The following ZNF483 variants were observed in gnomAD, a reference collection of about 807,000 sequenced individuals.
ZNF483 encodes zinc finger protein HIT-10.
Under a neutral mutation model 28.6 loss-of-function variants are expected in ZNF483, and 9 were observed. The ratio of observed to expected loss-of-function variants is 0.32; its 90% CI spans 0.19 to 0.55. The LOEUF (loss-of-function observed/expected upper bound fraction) is 0.55. Ranked by LOEUF, ZNF483 falls within the 20% of genes least tolerant of loss-of-function variation. ZNF483 has a pLI of 0.93. For missense variants in ZNF483, 675 were observed against 871.7 expected (o/e 0.77, Z 2.84); for synonymous variants, 322 against 306.2 (o/e 1.05, Z -0.54).
chr9:111,532,867 C>T (rs760734867), intron 3 of ZNF483, among the ~76,000 whole-genome samples: 2 of 151,516 alleles, frequency 1.3e-5, no homozygotes, highest in Non-Finnish European at 2.9e-5. Context: ...CGAGATCATG[C>T]CACTGCACTC....
chr9:111,567,362 AT>A (rs759157529), intron 5 of ZNF483, among the ~76,000 whole-genome samples: 1 of 152,024 alleles, frequency 6.6e-6, no homozygotes, highest in Non-Finnish European at 1.5e-5. Context: ...TAATTTTTGT[AT>A]TTTTAGTAGA....
rs76510670 is a variant in ZNF483, at chr9:111,537,109, G to A, written c.721+2756G>A. 4.5e-3 allele frequency among the ~76,000 whole-genome samples: 680 copies of A among 152,230 alleles called. 2 individuals carry two copies. The highest frequency in any genetic ancestry group is 0.015 in the African/African-American group (640 of 41,524). On this transcript the variant is annotated intron_variant, in intron 5 of 5. Coordinates refer to ENST00000309235, the MANE Select transcript of ZNF483 (RefSeq NM_133464.5). ...CCCATGATGTTATTCAAGATTTACA[G>A]TATTGCACTAAACACAGTGAAAAAT... is the stretch of plus-strand genomic sequence containing the variant.
rs988782331 is a variant in ZNF483, at chr9:111,554,443, C to G, written c.*11273C>G. Among the ~76,000 whole-genome samples, 5 of 152,202 alleles carry G rather than the reference C, an allele frequency of 3.3e-5. No homozygotes were observed. Among genetic ancestry groups the G allele is most frequent in the African/African-American group, 1.2e-4 (5 of 41,442 alleles). ...TTCTACCACAGTCTGTTCTTTCGGT[C>G]ACCAAACTCTTTCTTCCCACACTTA... On this transcript the variant is annotated 3_prime_UTR_variant, in exon 6 of 6. Coordinates refer to ENST00000309235, the MANE Select transcript of ZNF483 (RefSeq NM_133464.5).
rs75707025 is a variant in ZNF483, at chr9:111,554,807, G to A, written c.*11637G>A. On this transcript the variant is annotated 3_prime_UTR_variant, in exon 6 of 6. Transcript: ENST00000309235. ...CCACGGAAAGTGAAACTTTGAATAA[G>A]GGGAGACCACTGTATTTTACCCAAG... 0.028 allele frequency among the ~76,000 whole-genome samples: 4,257 copies of A among 152,242 alleles called. 117 individuals carry two copies. Among genetic ancestry groups the A allele is most frequent in the East Asian group, 0.15 (757 of 5,178 alleles).
chr9:111,568,403 G>A (rs143539373), intron 5 of ZNF483, among the ~76,000 whole-genome samples: 10,212 of 152,110 alleles, frequency 0.067, 575 homozygotes, highest in African/African-American at 0.14. Context: ...GAAAAACTCC[G>A]CCCTGGTAAA....
chr9:111,528,740 G>A lies in ZNF483; in HGVS notation c.412+933G>A, dbSNP rs138751586. ...CTCCATACACTTAATTCGCCATCAC[G>A]CAGCTAATTAGTGTATCTCAAATTT... On this transcript the variant is annotated intron_variant, in intron 2 of 5. Coordinates refer to ENST00000309235, the MANE Select transcript of ZNF483 (RefSeq NM_133464.5). 3.8e-3 allele frequency among the ~76,000 whole-genome samples: 576 copies of A among 152,228 alleles called. 6 individuals carry two copies. The highest frequency in any genetic ancestry group is 0.013 in the African/African-American group (547 of 41,536).
At chr9:111,576,290 A>G (rs1400527588) in intron 5 of ZNF483, 4 of 1,504,630 alleles carry the variant, frequency 2.7e-6, no homozygotes, top group African/African-American at 1.4e-5. Flanking sequence ...ATATTTGCAT[A>G]TTGTAAACTA....
intron 5 of ZNF483, among the ~76,000 whole-genome samples, chr9:111,561,112 G>T (rs367806792): frequency 0.078 from 2,256 of 28,860 alleles, 170 homozygotes; most frequent in African/African-American, 0.11. Flanking sequence ...TATATATATA[G>T]AGAGAGAGAG....
chr9:111,563,304 A>G (rs931240862), intron 5 of ZNF483: 2 of 1,395,364 alleles, frequency 1.4e-6, no homozygotes, highest in East Asian at 2.4e-5. Context: ...CATCCTAGCA[A>G]CAAATTTATC....
chr9:111,545,944 G>A lies in ZNF483; in HGVS notation c.*2774G>A, dbSNP rs148475111. 5.3e-4 allele frequency among the ~76,000 whole-genome samples: 80 copies of A among 152,162 alleles called. No homozygotes were observed. The highest frequency in any genetic ancestry group is 1.8e-3 in the African/African-American group (75 of 41,532). Reference sequence around the variant, plus strand: ...CCTGAGGGGAGTTGCTAGGTCATACGGTAAATTTTCATTTAACTTTTTTAG... The same window carrying A: ...CCTGAGGGGAGTTGCTAGGTCATACAGTAAATTTTCATTTAACTTTTTTAG... On this transcript the variant is annotated 3_prime_UTR_variant, in exon 6 of 6. Coordinates refer to ENST00000309235, the MANE Select transcript of ZNF483 (RefSeq NM_133464.5).
downstream of ZNF483, chr9:111,577,925 T>C (rs1351478926): frequency 6.6e-6 from 1 of 152,074 alleles, no homozygotes; most frequent in African/African-American, 2.4e-5. Context: ...AAGTGAAAGA[T>C]GCCAGTCATA....
chr9:111,574,561 A>G (rs1828972202), intron 5 of ZNF483, among the ~76,000 whole-genome samples: 1 of 151,236 alleles, frequency 6.6e-6, no homozygotes, highest in Non-Finnish European at 1.5e-5. Context: ...GTTGCCCAGG[A>G]TGGTCTCAAA....
At chr9:111,562,743 C>T (rs913381102) in intron 5 of ZNF483, 2 of 186,940 alleles carry the variant, frequency 1.1e-5, no homozygotes, top group African/African-American at 2.3e-5. Flanking sequence ...CTGATGCTCT[C>T]CCTCCCTCAC....
intron 5 of ZNF483, chr9:111,539,577 A>C: frequency 2.5e-6 from 1 of 396,084 alleles, no homozygotes; most frequent in Non-Finnish European, 5.0e-6. Context: ...CAGCCTGACC[A>C]ACATGGAGAA....
chr9:111,530,756 AAT>A (rs60541488), intron 2 of ZNF483, 117 bp from the exon 3 acceptor site: 1,443 of 70,342 alleles, frequency 0.021, 18 homozygotes, highest in South Asian at 0.045. Context: ...ATCACTTAGA[AAT>A]ATATATATAT....
At chr9:111,574,622 AAT>A in intron 5 of ZNF483, 1 of 704,938 alleles carries the variant, frequency 1.4e-6, no homozygotes, top group Non-Finnish European at 2.3e-6. Context: ...AAAAAAAAAG[AAT>A]ATATGAAAAT....
At chr9:111,535,307 A>G (rs1042775796) in intron 5 of ZNF483, among the ~76,000 whole-genome samples, 3 of 152,230 alleles carry the variant, frequency 2.0e-5, no homozygotes, top group African/African-American at 7.2e-5. Flanking sequence ...GATGCATACT[A>G]TATCAAGCAC....
Position 111,548,120 on chromosome 9 carries a change from T to C in ZNF483, c.*4950T>C, listed in dbSNP as rs2132271540. The stretch of plus-strand genomic sequence containing the variant: ...CCTCCAGCTTTGTTCTTTCCCAAAT[T>C]GTTTTGGCTATTTGGGGGTCCTTAA... On this transcript the variant is annotated 3_prime_UTR_variant, in exon 6 of 6. Coordinates refer to ENST00000309235, the MANE Select transcript of ZNF483 (RefSeq NM_133464.5). Among the ~76,000 whole-genome samples the C allele has an allele frequency of 6.6e-6, 1 of 152,276 alleles. No homozygotes were observed. Among genetic ancestry groups the C allele is most frequent in the South Asian group, 2.1e-4 (1 of 4,824 alleles).
At chr9:111,533,395 A>G (rs1827398611) in intron 3 of ZNF483, among the ~76,000 whole-genome samples, 1 of 152,158 alleles carries the variant, frequency 6.6e-6, no homozygotes, top group African/African-American at 2.4e-5. Flanking sequence ...TTTATATCCT[A>G]TCCAGGCTGG....
Sources: gnomAD v4.1 joint callset for allele counts (sites outside exome capture counted in the v4.1 genomes callset) on GRCh38, gnomAD v4.1.1 for gene constraint, MANE v1.5 for transcripts, NCBI Gene and HGNC (gene_info 2026-07-23, HGNC 2026-07-21) for gene names.